The following ADGRG6 variants were observed in gnomAD, a reference collection of about 807,000 sequenced individuals.
ADGRG6 encodes the protein adhesion G protein-coupled receptor G6.
Under a neutral mutation model 142.4 loss-of-function variants are expected in ADGRG6, and 84 were observed. That is an observed-to-expected ratio of 0.59 (90% confidence interval 0.49 to 0.71). ADGRG6 has a LOEUF of 0.71. ADGRG6 is among the 30% of genes least tolerant of loss of function. The probability of loss-of-function intolerance (pLI) is 0.00; values close to 1 mark genes in which losing one functional copy is unlikely to be tolerated. For synonymous variants in ADGRG6, 521 were observed against 520.5 expected (o/e 1.00, Z -0.01); for missense variants, 1,367 against 1,466.6 (o/e 0.93, Z 1.11).
At chr6:142,303,787 A>G (rs1252623117) in intron 1 of ADGRG6, among the ~76,000 whole-genome samples, 1 of 152,194 alleles carries the variant, frequency 6.6e-6, no homozygotes, top group Non-Finnish European at 1.5e-5. Context: ...ATTACACATG[A>G]AAGTATAAAT....
At chr6:142,384,321 T>C (rs1481939042) in intron 6 of ADGRG6, among the ~76,000 whole-genome samples, 1 of 152,180 alleles carries the variant, frequency 6.6e-6, no homozygotes, top group East Asian at 1.9e-4. Context: ...TCCATAGTAA[T>C]ACTTTGCTTT....
intron 2 of ADGRG6, among the ~76,000 whole-genome samples, chr6:142,338,117 T>A (rs1779434962): frequency 1.4e-5 from 2 of 143,932 alleles, no homozygotes; most frequent in African/African-American, 5.1e-5. Flanking sequence ...GCCTCCCGGG[T>A]TCACGCCATT....
At chr6:142,416,087 G>C (rs1265158439) in intron 20 of ADGRG6, 23 bp downstream of exon 20, 1 of 1,571,100 alleles carries the variant, frequency 6.4e-7, no homozygotes, top group East Asian at 2.3e-5. Flanking sequence ...AAATTTTTTT[G>C]GTTTTGTTTT....
chr6:142,422,561 T>A (rs1776714142), intron 22 of ADGRG6, among the ~76,000 whole-genome samples: 1 of 151,996 alleles, frequency 6.6e-6, no homozygotes, highest in South Asian at 2.1e-4. Flanking sequence ...ATCCAGTCTA[T>A]CATTGTTGGA....
chr6:142,411,152 T>C (rs1582648795), intron 17 of ADGRG6, among the ~76,000 whole-genome samples, 153 bp from the exon 18 acceptor site: 1 of 152,184 alleles, frequency 6.6e-6, no homozygotes, highest in South Asian at 2.1e-4. Flanking sequence ...CAAATTATTC[T>C]AAGCATTGAA....
chr6:142,323,622 A>G (rs1332759134), intron 2 of ADGRG6, among the ~76,000 whole-genome samples: 1 of 152,108 alleles, frequency 6.6e-6, no homozygotes, highest in Non-Finnish European at 1.5e-5. Flanking sequence ...TCACTGTGCA[A>G]ACATCATAGA....
chr6:142,401,374 G>A (rs1257908472), intron 11 of ADGRG6, among the ~76,000 whole-genome samples: 1 of 152,160 alleles, frequency 6.6e-6, no homozygotes, highest in Non-Finnish European at 1.5e-5. Flanking sequence ...AATCTGCTTT[G>A]CAGAGTTATG....
chr6:142,312,691 C>G (rs1777828992), intron 2 of ADGRG6, among the ~76,000 whole-genome samples: 1 of 152,020 alleles, frequency 6.6e-6, no homozygotes, highest in Non-Finnish European at 1.5e-5. Flanking sequence ...GTGTATCACT[C>G]TCACATGTAG....
rs1402884135 is a variant in ADGRG6, at chr6:142,309,607, C to G, written c.66C>G (p.Phe22Leu). The G allele has an allele frequency of 1.2e-6, 2 of 1,607,008 alleles. No homozygotes were observed. The highest frequency in any genetic ancestry group is 1.7e-6 in the Non-Finnish European group (2 of 1,176,024). The change falls in exon 2 of 25, where the codon TTC (phenylalanine) becomes TTG (leucine). Residue 22 changes from phenylalanine to leucine, a missense_variant. This residue lies in a region of ADGRG6 where 737 missense variants were observed against 746.5 expected (regional missense o/e 0.99). Transcript: ENST00000367609. ...HWKWKPSPLL[F>L]LFALYIMCVP... ...AATGGAAGCCCAGTCCTCTCCTGTT[C>G]TTATTTGCTTTATATATCATGTGTG...
rs951373134 is a variant in ADGRG6, at chr6:142,428,375, C to T, written c.3319+8271C>T. ...ATCTGTTTGATTATAAAAATTTTAC[C>T]TACTTAAATAAGCAAATGACATCAT... is the stretch of plus-strand genomic sequence containing the variant. On this transcript the variant is annotated intron_variant, in intron 22 of 24. Transcript: ENST00000367609. Among the ~76,000 whole-genome samples, 11 of 151,634 alleles carry T rather than the reference C, an allele frequency of 7.3e-5. No individual in the cohort carries two copies. The East Asian group carries it at 2.1e-3, about 29-fold the overall frequency.
chr6:142,443,256 A>G (rs2115227545), intron 24 of ADGRG6, 81 bp from the exon 25 acceptor site: 1 of 791,170 alleles, frequency 1.3e-6, no homozygotes, highest in Non-Finnish European at 2.0e-6. Context: ...TTTAATGTGC[A>G]AAACGGAGTA....
intron 2 of ADGRG6, among the ~76,000 whole-genome samples, chr6:142,328,189 A>G (rs1191520819): frequency 6.6e-6 from 1 of 152,062 alleles, no homozygotes; most frequent in African/African-American, 2.4e-5. Flanking sequence ...ACCTCCTTAC[A>G]TGCTTATCCT....
rs749647670 is a variant in ADGRG6 at position 142,390,313 on chromosome 6, G to A, written c.1278G>A (p.Glu426=). The A allele has an allele frequency of 6.2e-7, 1 of 1,600,510 alleles. No homozygotes were observed. Among genetic ancestry groups the A allele is most frequent in the South Asian group, 1.1e-5 (1 of 89,762 alleles). ...VVIQNILRHP[E]VKVQSKVAEW... The stretch of plus-strand genomic sequence containing the variant: ...TTCAGAACATCCTTCGTCACCCTGA[G>A]GTAAAAGTACAGAGCAAGGTGGCAG... The change falls in exon 7 of 25, where the codon GAG becomes GAA. Residue 426 remains glutamate, a synonymous_variant. Coordinates refer to ENST00000367609, the MANE Select transcript of ADGRG6 (RefSeq NM_198569.3).
intron 18 of ADGRG6, 23 bp from the exon 19 acceptor site, chr6:142,414,946 G>A: frequency 6.3e-7 from 1 of 1,596,910 alleles, no homozygotes. Context: ...GTTTCTTACA[G>A]CTGCTCGCCA....
chr6:142,414,253 A>G (rs943580146), intron 18 of ADGRG6, among the ~76,000 whole-genome samples: 1 of 152,194 alleles, frequency 6.6e-6, no homozygotes, highest in South Asian at 2.1e-4. Flanking sequence ...CCCTTAGCAC[A>G]TTGAAATTAA....
intron 2 of ADGRG6, among the ~76,000 whole-genome samples, chr6:142,346,424 T>G (rs1779904197): frequency 6.6e-6 from 1 of 152,168 alleles, no homozygotes; most frequent in African/African-American, 2.4e-5. Flanking sequence ...CTTTCATATG[T>G]TTTTTGGCAA....
intron 2 of ADGRG6, among the ~76,000 whole-genome samples, chr6:142,361,803 AGATTG>A (rs1359955845): frequency 6.7e-6 from 1 of 148,760 alleles, no homozygotes; most frequent in South Asian, 2.1e-4. Context: ...CATTGCCTTT[AGATTG>A]TTTTTTTTTT....
intron 2 of ADGRG6, among the ~76,000 whole-genome samples, chr6:142,312,325 T>G (rs1044168537): frequency 6.6e-6 from 1 of 152,068 alleles, no homozygotes; most frequent in African/African-American, 2.4e-5. Context: ...GTAGGTAAGT[T>G]AACATTTATA....
At chr6:142,322,550 G>A (rs570425056) in intron 2 of ADGRG6, among the ~76,000 whole-genome samples, 14 of 152,158 alleles carry the variant, frequency 9.2e-5, no homozygotes, top group Middle Eastern at 3.4e-3. Context: ...TTTGCCTGAA[G>A]GCTCTTTTCC....
Sources: gnomAD v4.1 joint callset for allele counts (sites outside exome capture counted in the v4.1 genomes callset) on GRCh38, gnomAD v4.1.1 for gene constraint, gnomAD v4.1.1 regional missense constraint, MANE v1.5 for transcripts, NCBI Gene and HGNC (gene_info 2026-07-23, HGNC 2026-07-21) for gene names.